Variants in EXOC2 observed in about 807,000 individuals in gnomAD.
The protein encoded by EXOC2 is exocyst complex component 2, also known as SEC5-like 1.
Under a neutral mutation model 131.8 loss-of-function variants are expected in EXOC2, and 70 were observed. That is an observed-to-expected ratio of 0.53 (90% CI 0.44 to 0.65). The LOEUF is 0.65. Among genes scored for constraint, EXOC2 ranks in the 30% least tolerant of loss-of-function variants. The probability of loss-of-function intolerance (pLI) is 0.00; values close to 1 mark genes in which losing one functional copy is unlikely to be tolerated. For missense variants in EXOC2, 923 were observed against 1,108.6 expected, an observed-to-expected ratio of 0.83 and a Z score of 2.38; for synonymous variants, 411 against 398.4, an observed-to-expected ratio of 1.03 and a Z score of -0.38.
intron 23 of EXOC2, among the ~76,000 whole-genome samples, chr6:512,924 A>G (rs1764933308): frequency 6.6e-6 from 1 of 152,252 alleles, no homozygotes; most frequent in Admixed American, 6.5e-5. Context: ...TCATTTGAAA[A>G]TGGACCAAAT....
At chr6:534,105 A>G (rs1338301064) in intron 22 of EXOC2, among the ~76,000 whole-genome samples, 1 of 152,244 alleles carries the variant, frequency 6.6e-6, no homozygotes, top group Admixed American at 6.5e-5. Flanking sequence ...CACTGTTGAG[A>G]CTGATCTGAA....
chr6:559,784 C>T (rs980482264), intron 17 of EXOC2, among the ~76,000 whole-genome samples: 22 of 152,286 alleles, frequency 1.4e-4, no homozygotes, highest in Admixed American at 9.2e-4. Context: ...CACGTGTACC[C>T]GAGGCACTGA....
chr6:647,883 A>C (rs1486657389), intron 1 of EXOC2, among the ~76,000 whole-genome samples: 5 of 151,968 alleles, frequency 3.3e-5, no homozygotes, highest in Admixed American at 2.6e-4. Flanking sequence ...CACCATGGAT[A>C]GCCATGAATC....
At chr6:554,673 T>C (rs1757326344) in intron 20 of EXOC2, among the ~76,000 whole-genome samples, 2 of 152,088 alleles carry the variant, frequency 1.3e-5, no homozygotes, top group Non-Finnish European at 2.9e-5. Context: ...TGTCAGAGCA[T>C]AAAGTACACA....
chr6:602,783 A>G (rs1760173579), intron 7 of EXOC2, among the ~76,000 whole-genome samples: 1 of 152,220 alleles, frequency 6.6e-6, no homozygotes, highest in African/African-American at 2.4e-5. Context: ...ATGTAAACAC[A>G]GCGTGGTTGC....
intron 13 of EXOC2, among the ~76,000 whole-genome samples, chr6:567,575 T>C (rs554906415): frequency 2.0e-5 from 3 of 152,370 alleles, no homozygotes; most frequent in Non-Finnish European, 4.4e-5. Flanking sequence ...TGTAAATTTA[T>C]GTGTATGTCT....
intron 1 of EXOC2, chr6:656,950 C>T: frequency 6.6e-7 from 1 of 1,513,222 alleles, no homozygotes; most frequent in Non-Finnish European, 8.9e-7. Flanking sequence ...TTCATGATGC[C>T]ACAGGGAAGG....
intron 23 of EXOC2, among the ~76,000 whole-genome samples, chr6:523,906 A>C (rs1765612131): frequency 6.6e-6 from 1 of 152,242 alleles, no homozygotes; most frequent in Admixed American, 6.5e-5. Context: ...GATAACGTGA[A>C]TACAATGTTA....
chr6:582,238 G>A (rs961618162), intron 11 of EXOC2, among the ~76,000 whole-genome samples: 4 of 16,774 alleles, frequency 2.4e-4, no homozygotes, highest in African/African-American at 4.6e-4. Context: ...TTCAATAGTC[G>A]GTATTTTTTT....
At chr6:590,981 C>A (rs958482742) in intron 11 of EXOC2, among the ~76,000 whole-genome samples, 10 of 152,344 alleles carry the variant, frequency 6.6e-5, no homozygotes, top group African/African-American at 2.4e-4. Context: ...TGTTCCCTAA[C>A]TCAGTGGCAC....
At chr6:600,755 G>A (rs1014822081) in intron 7 of EXOC2, among the ~76,000 whole-genome samples, 19 of 150,394 alleles carry the variant, frequency 1.3e-4, no homozygotes, top group African/African-American at 4.5e-4. Flanking sequence ...TAGAGACAGA[G>A]AAAAATTTAT....
intron 11 of EXOC2, among the ~76,000 whole-genome samples, chr6:590,117 A>C (rs1292887417): frequency 2.3e-4 from 4 of 17,264 alleles, no homozygotes; most frequent in African/African-American, 3.0e-4. Context: ...TCTGTCTGGA[A>C]AAAAAAAAAA....
chr6:496,177 T>C (rs988803711), intron 25 of EXOC2, among the ~76,000 whole-genome samples: 1 of 152,174 alleles, frequency 6.6e-6, no homozygotes, highest in African/African-American at 2.4e-5. Flanking sequence ...AATACCTGGG[T>C]CATCTTAAGG....
chr6:528,696 C>A (rs985941335), intron 23 of EXOC2, among the ~76,000 whole-genome samples: 2 of 152,056 alleles, frequency 1.3e-5, no homozygotes, highest in Admixed American at 6.5e-5. Flanking sequence ...AAAAGCCTCA[C>A]CACTTAATGT....
chr6:514,953 TAAAAG>T lies in EXOC2; in HGVS notation c.2381-15258_2381-15254del, dbSNP rs1263860131. 2.0e-5 allele frequency among the ~76,000 whole-genome samples: 3 copies of T among 152,218 alleles called. No homozygotes were observed. The East Asian group carries it at 5.8e-4, about 29-fold the overall frequency. On this transcript the variant is annotated intron_variant, in intron 23 of 27. Transcript: ENST00000230449. ...ACCAGATCGGCGCATGCAAACAGCT[TAAAAG>T]AAAACATTAGGCACTGGTGGCTTCG...
intron 23 of EXOC2, among the ~76,000 whole-genome samples, chr6:501,111 A>ATATATATCTATATATAT: frequency 1.3e-5 from 1 of 78,452 alleles, no homozygotes; most frequent in Non-Finnish European, 2.4e-5. Context: ...TATATATATT[A>ATATATATCTATATATAT]TATATATCTA....
chr6:664,691 G>T (rs1763560671), intron 1 of EXOC2, among the ~76,000 whole-genome samples: 1 of 152,122 alleles, frequency 6.6e-6, no homozygotes, highest in African/African-American at 2.4e-5. Flanking sequence ...AGTGGGGAAA[G>T]GACACCCATT....
At chr6:646,818 A>C (rs368998713) in intron 1 of EXOC2, among the ~76,000 whole-genome samples, 3 of 152,144 alleles carry the variant, frequency 2.0e-5, no homozygotes, top group South Asian at 4.1e-4. Context: ...GCTTGTTTTG[A>C]CAATGTGCTA....
intron 1 of EXOC2, among the ~76,000 whole-genome samples, chr6:668,333 G>T (rs1368921172): frequency 6.6e-6 from 1 of 152,170 alleles, no homozygotes; most frequent in African/African-American, 2.4e-5. Context: ...GGTGACGCAT[G>T]CTTTCTCCCT....
Sources: allele counts gnomAD v4.1 joint callset (sites outside exome capture counted in the v4.1 genomes callset), GRCh38; gene constraint gnomAD v4.1.1; transcripts MANE v1.5; gene names NCBI Gene and HGNC (gene_info 2026-07-23, HGNC 2026-07-21).